The following UBE2N variants were observed in gnomAD, a reference collection of about 807,000 sequenced individuals.
The protein encoded by UBE2N is ubiquitin-conjugating enzyme E2 N.
For missense variants in UBE2N, 60 were observed against 192.1 expected (o/e 0.31, Z 4.07); for synonymous variants, 70 against 69.2 (o/e 1.01, Z -0.06).
At chr12:93,416,753 A>G (rs531562722) in intron 1 of UBE2N, among the ~76,000 whole-genome samples, 1 of 150,456 alleles carries the variant, frequency 6.6e-6, no homozygotes, top group East Asian at 2.0e-4. Context: ...CATGGTTCAC[A>G]CCTGTAATCC....
In UBE2N at chr12:93,410,888, A is replaced by G. The variant is rs1269596480; in HGVS notation, c.278-14T>C. On this transcript the variant is annotated splice_polypyrimidine_tract_variant and intron_variant, in intron 2 of 3. Transcript: ENST00000318066. ...GGGACCACTTATCTATGAAGGCAACAGGCCCAGTATGATAAAGCATGAAAA... is the reference window on the plus strand; with the variant it reads ...GGGACCACTTATCTATGAAGGCAACGGGCCCAGTATGATAAAGCATGAAAA... 6.2e-7 allele frequency: 1 copy of G among 1,614,224 alleles called. No homozygotes were observed. The highest frequency in any genetic ancestry group is 8.5e-7 in the Non-Finnish European group (1 of 1,180,046).
chr12:93,409,903 A>T lies in UBE2N; in HGVS notation c.*136T>A. On this transcript the variant is annotated 3_prime_UTR_variant, in exon 4 of 4. Transcript: ENST00000318066. ...GACATAGATTTGCTAATGTGCATTTAATCACCAAAGGACTGAAGATGTCTG... is the reference window on the plus strand; with the variant it reads ...GACATAGATTTGCTAATGTGCATTTTATCACCAAAGGACTGAAGATGTCTG... 1 of 796,542 alleles carries T rather than the reference A, an allele frequency of 1.3e-6. No homozygotes were observed. The highest frequency in any genetic ancestry group is 2.1e-6 in the Non-Finnish European group (1 of 484,324). 49.3% of individuals were successfully genotyped at this position (796,542 alleles called of 1,614,324 possible).
At chr12:93,414,996 C>T (rs185799528) in intron 1 of UBE2N, among the ~76,000 whole-genome samples, 3 of 152,156 alleles carry the variant, frequency 2.0e-5, no homozygotes, top group Non-Finnish European at 2.9e-5. Flanking sequence ...GGGAAATAAA[C>T]GATCAGAATT....
intron 1 of UBE2N, among the ~76,000 whole-genome samples, chr12:93,412,351 T>C (rs1565791667): frequency 1.3e-5 from 2 of 152,226 alleles, no homozygotes; most frequent in African/African-American, 2.4e-5. Context: ...CATTTGGACA[T>C]TTCCCTGCAT....
chr12:93,426,995 C>T (rs1419755605), intron 1 of UBE2N, among the ~76,000 whole-genome samples: 1 of 152,062 alleles, frequency 6.6e-6, no homozygotes, highest in Non-Finnish European at 1.5e-5. Context: ...TCTCGGCTCA[C>T]TGCAGCCTCT....
intron 1 of UBE2N, among the ~76,000 whole-genome samples, chr12:93,427,258 A>G (rs1470761631): frequency 6.6e-6 from 1 of 152,226 alleles, no homozygotes; most frequent in Non-Finnish European, 1.5e-5. Context: ...CAGGGAAGCC[A>G]AAAGGTTGGA....
chr12:93,423,515 G>C (rs1026315955), intron 1 of UBE2N, among the ~76,000 whole-genome samples: 1 of 152,130 alleles, frequency 6.6e-6, no homozygotes, highest in African/African-American at 2.4e-5. Flanking sequence ...TTTTAGAGGA[G>C]GAGCTAATTT....
chr12:93,414,545 T>C (rs1055553713), intron 1 of UBE2N, among the ~76,000 whole-genome samples: 1 of 151,862 alleles, frequency 6.6e-6, no homozygotes, highest in Non-Finnish European at 1.5e-5. Context: ...CTCTGACTTA[T>C]CTTCAGCTGT....
Position 93,413,874 on chromosome 12 carries a change from G to A in UBE2N, c.31-2575C>T, listed in dbSNP as rs569810904. On this transcript the variant is annotated intron_variant, in intron 1 of 3. Coordinates refer to ENST00000318066, the MANE Select transcript of UBE2N (RefSeq NM_003348.4). ...ATCCACAGACCCTTTAAAAGTCATA[G>A]TCCTGAGCCGGGTGCGGTGGCTCAC... 1.1e-4 allele frequency among the ~76,000 whole-genome samples: 17 copies of A among 152,292 alleles called. No individual in the cohort carries two copies. The South Asian group carries it at 1.9e-3, about 17-fold the overall frequency.
Position 93,434,930 on chromosome 12 carries a change from G to T in UBE2N, c.30+6925C>A, listed in dbSNP as rs191848945. Among the ~76,000 whole-genome samples, 36 of 151,140 alleles carry T rather than the reference G, an allele frequency of 2.4e-4. No homozygotes were observed. The East Asian group carries it at 6.8e-3, about 28-fold the overall frequency. ...TTTATTTATTTATTTAAGAGACAGG[G>T]TCTTGCCTCTATTACCCAGGCTGGG... On this transcript the variant is annotated intron_variant, in intron 1 of 3. Coordinates refer to ENST00000318066, the MANE Select transcript of UBE2N (RefSeq NM_003348.4).
In UBE2N at chr12:93,407,442, T is replaced by C. The variant is rs1337838622; in HGVS notation, c.*2597A>G. The C allele has an allele frequency of 2.0e-5, 3 of 152,246 alleles. No individual in the cohort carries two copies. Among genetic ancestry groups the C allele is most frequent in the Admixed American group, 6.5e-5 (1 of 15,288 alleles). The allele number at this position is 152,246 out of a possible 1,614,324, so 9.4% of individuals were successfully genotyped here. A position where few individuals can be genotyped will look rare whatever the true frequency, so the allele number is the denominator to read the frequency against. ...CTTTTGTTGAATAATGTGTTTCCTT[T>C]AGCCCAGGGATTACAAAGTCAAAGG... On this transcript the variant is annotated 3_prime_UTR_variant, in exon 4 of 4. Coordinates refer to ENST00000318066, the MANE Select transcript of UBE2N (RefSeq NM_003348.4).
intron 1 of UBE2N, among the ~76,000 whole-genome samples, chr12:93,419,423 A>G (rs551243030): frequency 4.2e-4 from 64 of 152,278 alleles, no homozygotes; most frequent in Admixed American, 1.6e-3. Flanking sequence ...AGAACATTTG[A>G]CATCACTAAT....
chr12:93,434,541 G>A (rs1639173461), intron 1 of UBE2N, among the ~76,000 whole-genome samples: 1 of 152,168 alleles, frequency 6.6e-6, no homozygotes, highest in African/African-American at 2.4e-5. Flanking sequence ...CTTACTTTCA[G>A]TTATGCTCAC....
At chr12:93,423,618 C>T (rs1247007335) in intron 1 of UBE2N, among the ~76,000 whole-genome samples, 1 of 152,142 alleles carries the variant, frequency 6.6e-6, no homozygotes, top group East Asian at 1.9e-4. Context: ...GAATTTAATT[C>T]CAATTTTAAT....
At chr12:93,422,829 T>C (rs1592745729) in intron 1 of UBE2N, among the ~76,000 whole-genome samples, 1 of 152,218 alleles carries the variant, frequency 6.6e-6, no homozygotes, top group Admixed American at 6.5e-5. Context: ...TAAACAATGT[T>C]AAAAATTCCC....
chr12:93,431,491 A>T (rs1326646592), intron 1 of UBE2N, among the ~76,000 whole-genome samples: 1 of 152,194 alleles, frequency 6.6e-6, no homozygotes, highest in Non-Finnish European at 1.5e-5. Context: ...ATAAAATAGG[A>T]ATGATACTAA....
intron 1 of UBE2N, among the ~76,000 whole-genome samples, chr12:93,434,839 G>A (rs1878883088): frequency 6.6e-6 from 1 of 152,104 alleles, no homozygotes; most frequent in Non-Finnish European, 1.5e-5. Flanking sequence ...AAATTCCAAA[G>A]GTGATTTTAA....
chr12:93,413,044 C>T (rs1878077165), intron 1 of UBE2N, among the ~76,000 whole-genome samples: 1 of 152,146 alleles, frequency 6.6e-6, no homozygotes, highest in South Asian at 2.1e-4. Context: ...TGCTTGTCTC[C>T]AATTTCTCTC....
Position 93,407,797 on chromosome 12 carries a change from C to T in UBE2N, c.*2242G>A, listed in dbSNP as rs1053224969. 4.6e-5 allele frequency: 7 copies of T among 152,224 alleles called. No homozygotes were observed. The highest frequency in any genetic ancestry group is 1.3e-4 in the Admixed American group (2 of 15,276). The allele number at this position is 152,224 out of a possible 1,614,324, so 9.4% of individuals were successfully genotyped here. Reference sequence around the variant, plus strand: ...TGCAGTTTTCAACTGCTGCCTTGGCCTCTCCCAGAGCCCCTTAAGTCCTAA... The same window carrying T: ...TGCAGTTTTCAACTGCTGCCTTGGCTTCTCCCAGAGCCCCTTAAGTCCTAA... On this transcript the variant is annotated 3_prime_UTR_variant, in exon 4 of 4. Coordinates refer to ENST00000318066, the MANE Select transcript of UBE2N (RefSeq NM_003348.4).
Sources: allele counts gnomAD v4.1 joint callset (sites outside exome capture counted in the v4.1 genomes callset), GRCh38; gene constraint gnomAD v4.1.1; transcripts MANE v1.5; gene names NCBI Gene and HGNC (gene_info 2026-07-23, HGNC 2026-07-21).